PTPRT: variants seen among roughly 807,000 people sequenced by gnomAD.
PTPRT encodes the protein protein tyrosine phosphatase receptor type T.
In PTPRT, 56 loss-of-function variants were observed where a neutral mutation model predicts 176.8. That is an observed-to-expected ratio of 0.32 (90% confidence interval 0.26 to 0.40). The LOEUF (loss-of-function observed/expected upper bound fraction) is 0.40, where lower values mean the gene tolerates loss of function less well. Among genes scored for constraint, PTPRT ranks in the 10% least tolerant of loss-of-function variants. PTPRT has a pLI of 1.00. For missense variants in PTPRT, 1,540 were observed against 1,908.2 expected, an observed-to-expected ratio of 0.81 and a Z score of 3.60; for synonymous variants, 783 against 739.0, an observed-to-expected ratio of 1.06 and a Z score of -0.96.
intron 1 of PTPRT, among the ~76,000 whole-genome samples, chr20:43,019,433 A>G (rs1275199229): frequency 6.6e-6 from 1 of 152,034 alleles, no homozygotes; most frequent in Non-Finnish European, 1.5e-5. Context: ...ATCCTGGCCA[A>G]CATGGTGAAA....
At chr20:42,636,762 G>A (rs2074610110) in intron 7 of PTPRT, among the ~76,000 whole-genome samples, 1 of 152,058 alleles carries the variant, frequency 6.6e-6, no homozygotes, top group African/African-American at 2.4e-5. Flanking sequence ...TCCAGCCTGG[G>A]TGACAGAGTG....
chr20:43,032,138 G>A (rs546993291), intron 1 of PTPRT, among the ~76,000 whole-genome samples: 14 of 152,252 alleles, frequency 9.2e-5, no homozygotes, highest in Non-Finnish European at 2.9e-5. Flanking sequence ...ACAGAAACCT[G>A]AGTCCCTTGT....
intron 2 of PTPRT, among the ~76,000 whole-genome samples, chr20:42,844,540 G>A (rs1027820125): frequency 6.6e-6 from 1 of 151,944 alleles, no homozygotes; most frequent in African/African-American, 2.4e-5. Flanking sequence ...GAAAGTCTTG[G>A]TCAAAAAAAC....
chr20:42,981,532 T>A (rs1337635176), intron 1 of PTPRT, among the ~76,000 whole-genome samples: 1 of 152,208 alleles, frequency 6.6e-6, no homozygotes, highest in Non-Finnish European at 1.5e-5. Flanking sequence ...CTTGTTGCAC[T>A]TGGAAGCCTG....
chr20:42,232,036 T>C (rs1195933154), intron 15 of PTPRT, among the ~76,000 whole-genome samples: 1 of 152,208 alleles, frequency 6.6e-6, no homozygotes. Flanking sequence ...TTATTTTTGT[T>C]ATATATGTTG....
At chr20:42,398,936 T>C (rs2058877885) in intron 9 of PTPRT, among the ~76,000 whole-genome samples, 1 of 152,232 alleles carries the variant, frequency 6.6e-6, no homozygotes, top group Non-Finnish European at 1.5e-5. Flanking sequence ...CTCATACAAC[T>C]GGCAGTTGGT....
At chr20:42,260,116 AAC>A (rs1210661941) in intron 13 of PTPRT, among the ~76,000 whole-genome samples, 1 of 152,260 alleles carries the variant, frequency 6.6e-6, no homozygotes, top group Non-Finnish European at 1.5e-5. Flanking sequence ...GATGGGCACC[AAC>A]ACAGAAGTGT....
In PTPRT at chr20:42,079,390, C is replaced by A; in HGVS notation, c.*1489G>T. On this transcript the variant is annotated 3_prime_UTR_variant, in exon 31 of 31. Coordinates refer to ENST00000373187, the MANE Select transcript of PTPRT (RefSeq NM_007050.6). ...AAACAGCACGGAGAAGTCTCATTGCCATTACCTGCCCCTTTGGAACCCAGG... is the reference window on the plus strand; with the variant it reads ...AAACAGCACGGAGAAGTCTCATTGCAATTACCTGCCCCTTTGGAACCCAGG... 1 of 213,800 alleles carries A rather than the reference C, an allele frequency of 4.7e-6. No individual in the cohort carries two copies. Among genetic ancestry groups the A allele is most frequent in the Non-Finnish European group, 9.5e-6 (1 of 105,692 alleles). The allele number at this position is 213,800 out of a possible 1,614,324, so 13.2% of individuals were successfully genotyped here.
chr20:42,589,277 C>T (rs1293273356), intron 7 of PTPRT, among the ~76,000 whole-genome samples: 1 of 152,134 alleles, frequency 6.6e-6, no homozygotes, highest in Non-Finnish European at 1.5e-5. Flanking sequence ...AGACATATGC[C>T]AAGTTATCTT....
chr20:43,022,542 G>A (rs1040827756), intron 1 of PTPRT, among the ~76,000 whole-genome samples: 3 of 152,186 alleles, frequency 2.0e-5, no homozygotes, highest in Admixed American at 1.3e-4. Context: ...AGTAACCTAA[G>A]AAGTAAAAGA....
chr20:42,364,443 C>A (rs2058487004), intron 9 of PTPRT, among the ~76,000 whole-genome samples: 1 of 152,180 alleles, frequency 6.6e-6, no homozygotes, highest in African/African-American at 2.4e-5. Flanking sequence ...ATTGTATTCG[C>A]CCCTACTTAC....
chr20:42,538,551 G>C (rs970067141), intron 7 of PTPRT, among the ~76,000 whole-genome samples: 3 of 152,166 alleles, frequency 2.0e-5, no homozygotes, highest in African/African-American at 7.2e-5. Context: ...AATGTGATTA[G>C]CAGAATTAAT....
chr20:43,182,635 T>C (rs1427410759), intron 1 of PTPRT, among the ~76,000 whole-genome samples: 1 of 152,026 alleles, frequency 6.6e-6, no homozygotes, highest in African/African-American at 2.4e-5. Flanking sequence ...AAGTGATCCA[T>C]CCACCTCGGC....
intron 7 of PTPRT, among the ~76,000 whole-genome samples, chr20:42,549,922 A>G (rs950479588): frequency 2.0e-5 from 3 of 152,218 alleles, no homozygotes; most frequent in Non-Finnish European, 2.9e-5. Flanking sequence ...TGGAATAAAT[A>G]CTTCAAAACT....
intron 5 of PTPRT, among the ~76,000 whole-genome samples, chr20:42,763,145 C>G (rs2076938613): frequency 6.6e-6 from 1 of 152,226 alleles, no homozygotes; most frequent in South Asian, 2.1e-4. Flanking sequence ...TTCCTACCGT[C>G]TGATTATCTA....
At chr20:42,082,389 A>T (rs779175390) in intron 29 of PTPRT, among the ~76,000 whole-genome samples, 18 of 152,248 alleles carry the variant, frequency 1.2e-4, no homozygotes, top group Non-Finnish European at 2.6e-4. Context: ...GTCTTTGTAC[A>T]TGTGACACCT....
chr20:43,095,113 T>G (rs535833705), intron 1 of PTPRT, among the ~76,000 whole-genome samples: 1 of 152,164 alleles, frequency 6.6e-6, no homozygotes, highest in South Asian at 2.1e-4. Context: ...TTGGGAGCCT[T>G]GGAGAGAGCT....
intron 5 of PTPRT, among the ~76,000 whole-genome samples, chr20:42,764,004 CAG>C (rs2076950569): frequency 6.6e-6 from 1 of 152,110 alleles, no homozygotes; most frequent in Non-Finnish European, 1.5e-5. Flanking sequence ...GTCTCTGACC[CAG>C]AAGTTTCATG....
At chr20:42,369,548 C>T (rs984379796) in intron 9 of PTPRT, among the ~76,000 whole-genome samples, 4 of 152,112 alleles carry the variant, frequency 2.6e-5, no homozygotes, top group African/African-American at 9.7e-5. Flanking sequence ...ATATATTAAG[C>T]CACAAAATAA....
Sources: gnomAD v4.1 joint callset for allele counts (sites outside exome capture counted in the v4.1 genomes callset) on GRCh38, gnomAD v4.1.1 for gene constraint, MANE v1.5 for transcripts, NCBI Gene and HGNC (gene_info 2026-07-23, HGNC 2026-07-21) for gene names.